PCDH17: variants seen among roughly 807,000 people sequenced by gnomAD.
PCDH17 encodes the protein protocadherin-17.
In PCDH17, 21 loss-of-function variants were observed where a neutral mutation model predicts 67.7. The ratio of observed to expected loss-of-function variants is 0.31; its 90% confidence interval spans 0.22 to 0.45. The LOEUF is 0.45. Ranked by LOEUF, PCDH17 falls within the 20% of genes least tolerant of loss-of-function variation. The pLI is 1.00. For synonymous variants in PCDH17, 701 were observed against 656.7 expected (o/e 1.07, Z -1.03); for missense variants, 1,471 against 1,564.8 (o/e 0.94, Z 1.01).
At position 57,634,308 on chromosome 13, in the gene PCDH17, C is replaced by G; in HGVS notation, c.1762C>G (p.Leu588Val). The G allele has an allele frequency of 1.2e-6, 2 of 1,613,092 alleles. No individual in the cohort carries two copies. Among genetic ancestry groups the G allele is most frequent in the Non-Finnish European group, 1.7e-6 (2 of 1,180,044 alleles). ...DNAPVIVLPTLQNDTAELQVP... is the reference protein window; with the variant it reads ...DNAPVIVLPTVQNDTAELQVP... ...CGCGCCAGTGATCGTGCTCCCCACGCTGCAGAACGACACCGCGGAGCTGCA... is the reference window on the plus strand; with the variant it reads ...CGCGCCAGTGATCGTGCTCCCCACGGTGCAGAACGACACCGCGGAGCTGCA... The change falls in exon 1 of 4, where the codon CTG (leucine) becomes GTG (valine). Residue 588 changes from leucine to valine, a missense_variant. By Grantham distance (32) the Leu-to-Val change is conservative (BLOSUM62 1). Transcript: ENST00000377918. This position sits in a 1 kb window ranked among gnomAD's most constrained non-coding sequence, Gnocchi z 7.8.
At chr13:57,643,207 G>A (rs919443662) in intron 1 of PCDH17, among the ~76,000 whole-genome samples, 1 of 151,536 alleles carries the variant, frequency 6.6e-6, no homozygotes, top group Admixed American at 6.6e-5. Context: ...TAAAGTGGCT[G>A]TGTGAAATTT....
chr13:57,683,210 G>A (rs565330576), intron 3 of PCDH17, among the ~76,000 whole-genome samples: 7 of 151,938 alleles, frequency 4.6e-5, no homozygotes, highest in African/African-American at 1.7e-4. Flanking sequence ...ATTGTATTTG[G>A]AGAATAAAGG....
chr13:57,706,479 G>T (rs1443636935), intron 3 of PCDH17, among the ~76,000 whole-genome samples: 2 of 152,030 alleles, frequency 1.3e-5, no homozygotes, highest in East Asian at 3.9e-4. Context: ...TAGTTTCCTA[G>T]GGCTGCTATA....
chr13:57,728,691 G>A lies in PCDH17; in HGVS notation c.*3397G>A, dbSNP rs1422526515. 1.3e-5 allele frequency: 2 copies of A among 151,918 alleles called. No individual in the cohort carries two copies. Among genetic ancestry groups the A allele is most frequent in the Non-Finnish European group, 2.9e-5 (2 of 67,936 alleles). 9.4% of individuals were successfully genotyped at this position (151,918 alleles called of 1,614,324 possible). Reference sequence around the variant, plus strand: ...CCTGACATTTCTAACTTTATTGCAGGCAATATACAAAGATTGGCTCACTAC... The same window carrying A: ...CCTGACATTTCTAACTTTATTGCAGACAATATACAAAGATTGGCTCACTAC... On this transcript the variant is annotated 3_prime_UTR_variant, in exon 4 of 4. Transcript: ENST00000377918.
rs1391464945 is a variant in PCDH17, at chr13:57,632,704, G to A, written c.158G>A (p.Arg53His). Residue 53 changes from arginine (R) to histidine (H), a missense_variant, in exon 1 of 4, where the codon CGC (arginine) becomes CAC (histidine). Transcript: ENST00000377918. ...RLQPGLPPAE[R>H]GGGGRSKSGS... ...CAGCCTGGGCTTCCGCCTGCAGAGC[G>A]CGGCGGCGGAGGGCGCAGCAAGTCG... 6.2e-7 allele frequency: 1 copy of A among 1,611,536 alleles called. No individual in the cohort carries two copies. The highest frequency in any genetic ancestry group is 8.5e-7 in the Non-Finnish European group (1 of 1,179,910).
Position 57,633,576 on chromosome 13 carries a change from C to A in PCDH17, c.1030C>A (p.Arg344Ser), listed in dbSNP as rs551127955. The stretch of plus-strand genomic sequence containing the variant: ...CAAAGTCACGGTCAAGCTCATCGAC[C>A]GCAACGACAATGCGCCGTCCATCGG... The part of the protein sequence containing the change: ...HCKVTVKLID[R>S]NDNAPSIGFV... The change falls in exon 1 of 4, where the codon CGC (arginine) becomes AGC (serine). Residue 344 changes from arginine to serine, a missense_variant. Arg to Ser is a moderately radical substitution (Grantham distance 110). Transcript: ENST00000377918. This position sits in a 1 kb window ranked among gnomAD's most constrained non-coding sequence, Gnocchi z 6.2. The A allele has an allele frequency of 1.2e-6, 2 of 1,613,492 alleles. No individual in the cohort carries two copies. Among genetic ancestry groups the A allele is most frequent in the South Asian group, 2.2e-5 (2 of 91,084 alleles).
At chr13:57,716,844 T>C (rs961125496) in intron 3 of PCDH17, among the ~76,000 whole-genome samples, 2 of 151,870 alleles carry the variant, frequency 1.3e-5, no homozygotes, top group Non-Finnish European at 2.9e-5. Context: ...ATACCCCTCC[T>C]TGAAAACTTT....
intron 3 of PCDH17, among the ~76,000 whole-genome samples, chr13:57,722,973 G>A (rs991271575): frequency 6.6e-6 from 1 of 151,926 alleles, no homozygotes; most frequent in Non-Finnish European, 1.5e-5. Context: ...ATAAATAGAG[G>A]CTTCTGAAAA....
At chr13:57,639,491 CT>C (rs1267959725) in intron 1 of PCDH17, among the ~76,000 whole-genome samples, 3 of 151,726 alleles carry the variant, frequency 2.0e-5, no homozygotes, top group Non-Finnish European at 4.4e-5. Context: ...AAGTATAAAG[CT>C]AGAAACCAGA....
intron 3 of PCDH17, among the ~76,000 whole-genome samples, chr13:57,703,279 A>G (rs186566912): frequency 6.6e-6 from 1 of 152,122 alleles, no homozygotes; most frequent in African/African-American, 2.4e-5. Flanking sequence ...CATTCAAAAA[A>G]TTTTTTTGAG....
At chr13:57,676,680 T>G (rs2138040609) in intron 3 of PCDH17, among the ~76,000 whole-genome samples, 1 of 151,968 alleles carries the variant, frequency 6.6e-6, no homozygotes, top group East Asian at 2.0e-4. Context: ...TAGTTCAGCC[T>G]GCCAAGAAAA....
At chr13:57,699,123 G>A (rs1955638877) in intron 3 of PCDH17, among the ~76,000 whole-genome samples, 2 of 151,810 alleles carry the variant, frequency 1.3e-5, no homozygotes, top group South Asian at 4.2e-4. Context: ...GGTACATCTC[G>A]ATGGTTTCAG....
In PCDH17 at chr13:57,633,869, C is replaced by T. The variant is rs1293220981; in HGVS notation, c.1323C>T (p.Thr441=). 2 of 1,613,100 alleles carry T rather than the reference C, an allele frequency of 1.2e-6. No individual in the cohort carries two copies. The highest frequency in any genetic ancestry group is 1.7e-6 in the Non-Finnish European group (2 of 1,180,020). Residue 441 remains threonine, a synonymous_variant, in exon 1 of 4, where the codon ACC becomes ACT. Coordinates refer to ENST00000377918, the MANE Select transcript of PCDH17 (RefSeq NM_001040429.3). The surrounding 1 kb of genome is among the most constrained non-coding windows in gnomAD (Gnocchi z 6.2). ...DRETQDEYNV[T]IVARDGGSPP... ...AGACACAAGACGAGTACAACGTGAC[C>T]ATCGTGGCGCGGGACGGGGGCTCTC... is the stretch of plus-strand genomic sequence containing the variant.
intron 1 of PCDH17, among the ~76,000 whole-genome samples, chr13:57,647,167 C>T (rs1175734400): frequency 6.6e-6 from 1 of 151,816 alleles, no homozygotes; most frequent in Non-Finnish European, 1.5e-5. Context: ...CATAAATACA[C>T]CAGTTGGCAA....
chr13:57,686,418 A>G (rs1313400742), intron 3 of PCDH17, among the ~76,000 whole-genome samples: 1 of 152,042 alleles, frequency 6.6e-6, no homozygotes, highest in Non-Finnish European at 1.5e-5. Context: ...GAAGCATAAC[A>G]TAATTAATGC....
In PCDH17 at chr13:57,632,651, C is replaced by G; in HGVS notation, c.105C>G (p.Ile35Met). The change falls in exon 1 of 4, where the codon ATC (isoleucine) becomes ATG (methionine). Residue 35 changes from isoleucine (I) to methionine (M), a missense_variant. Around this residue, in one of 3 missense-constraint regions of PCDH17, gnomAD observed 1,163 missense variants for 1,230.0 expected, o/e 0.95. Transcript: ENST00000377918. ...VPEEQGAGTV[I>M]GNIGRDARLQ... ...AGGAGCAAGGGGCCGGCACGGTGAT[C>G]GGGAACATCGGCAGGGATGCTCGAC... 1 of 1,612,882 alleles carries G rather than the reference C, an allele frequency of 6.2e-7. No individual in the cohort carries two copies. The highest frequency in any genetic ancestry group is 8.5e-7 in the Non-Finnish European group (1 of 1,179,964).
At chr13:57,660,924 CTG>C (rs1566225591) in intron 1 of PCDH17, among the ~76,000 whole-genome samples, 1 of 152,120 alleles carries the variant, frequency 6.6e-6, no homozygotes, top group Non-Finnish European at 1.5e-5. Flanking sequence ...GATGGTCTGT[CTG>C]TTCACCTTTT....
intron 3 of PCDH17, among the ~76,000 whole-genome samples, chr13:57,701,476 T>C (rs1044531148): frequency 3.3e-5 from 5 of 152,176 alleles, no homozygotes; most frequent in Non-Finnish European, 5.9e-5. Context: ...AAATACATAC[T>C]TGTGGGCCTT....
chr13:57,677,865 G>A (rs1955409899), intron 3 of PCDH17, among the ~76,000 whole-genome samples: 1 of 151,788 alleles, frequency 6.6e-6, no homozygotes, highest in Non-Finnish European at 1.5e-5. Context: ...CATAGAAGTA[G>A]AGAGTCAAAT....
Sources: allele counts gnomAD v4.1 joint callset (sites outside exome capture counted in the v4.1 genomes callset), GRCh38; gene constraint gnomAD v4.1.1; regional missense constraint gnomAD v4.1.1; non-coding constraint Gnocchi (gnomAD v3.1); transcripts MANE v1.5; gene names NCBI Gene and HGNC (gene_info 2026-07-23, HGNC 2026-07-21).